FSTL4: variants seen among roughly 807,000 people sequenced by gnomAD.
FSTL4 encodes the protein follistatin like 4.
A neutral mutation model predicts 78.2 loss-of-function variants in FSTL4; 28 were observed. The observed-to-expected ratio is 0.36, with a 90% CI of 0.27 to 0.49. FSTL4 has a LOEUF of 0.49. Ranked by LOEUF, FSTL4 falls within the 20% of genes least tolerant of loss-of-function variation. FSTL4 has a pLI of 0.98. For missense variants in FSTL4, 922 were observed against 1,084.9 expected (o/e 0.85, Z 2.11); for synonymous variants, 422 against 440.5 (o/e 0.96, Z 0.53).
At position 133,356,360 on chromosome 5, in the gene FSTL4, G is replaced by T. The variant is rs997344264; in HGVS notation, c.410-39708C>A. 2.0e-5 allele frequency among the ~76,000 whole-genome samples: 3 copies of T among 152,146 alleles called. No individual in the cohort carries two copies. The East Asian group carries it at 5.8e-4, about 29-fold the overall frequency. The stretch of plus-strand genomic sequence containing the variant: ...CTGATCTCTACCTGGATATGCCACT[G>T]AACCTGGATTTAGAGATGAAGTCTG... On this transcript the variant is annotated intron_variant, in intron 4 of 15. Coordinates refer to ENST00000265342, the MANE Select transcript of FSTL4 (RefSeq NM_015082.2).
At chr5:133,806,504 G>C in the FSTL4 span, among the ~76,000 whole-genome samples, 1 of 152,166 alleles carries the variant, frequency 6.6e-6, no homozygotes, top group Non-Finnish European at 1.5e-5. Flanking sequence ...AGTATATTTT[G>C]TCCTGATTAT....
chr5:133,428,055 G>C (rs1204860440), intron 3 of FSTL4, among the ~76,000 whole-genome samples: 2 of 152,174 alleles, frequency 1.3e-5, no homozygotes, highest in Non-Finnish European at 2.9e-5. Flanking sequence ...AGTAATGTGT[G>C]AATAACAATA....
At chr5:133,569,577 G>A (rs1263999426) in intron 2 of FSTL4, among the ~76,000 whole-genome samples, 1 of 152,160 alleles carries the variant, frequency 6.6e-6, no homozygotes, top group Admixed American at 6.5e-5. Flanking sequence ...CATCAGTGCT[G>A]TAGCAGAACA....
chr5:133,705,291 C>T, the FSTL4 span, among the ~76,000 whole-genome samples: 1 of 152,160 alleles, frequency 6.6e-6, no homozygotes, highest in Admixed American at 6.5e-5. Context: ...GAACTCCTGA[C>T]CTGGTGATCC....
intron 8 of FSTL4, among the ~76,000 whole-genome samples, chr5:133,226,664 A>G (rs1751344892): frequency 6.6e-6 from 1 of 152,268 alleles, no homozygotes; most frequent in East Asian, 1.9e-4. Context: ...AGATGTAAAC[A>G]TACCTGCATA....
intron 4 of FSTL4, among the ~76,000 whole-genome samples, chr5:133,336,016 G>C (rs1754455340): frequency 1.3e-5 from 2 of 152,224 alleles, no homozygotes; most frequent in Admixed American, 1.3e-4. Flanking sequence ...GCAACCCATA[G>C]CTTACCCTGC....
At chr5:133,769,774 C>A in the FSTL4 span, among the ~76,000 whole-genome samples, 1 of 152,096 alleles carries the variant, frequency 6.6e-6, no homozygotes, top group African/African-American at 2.4e-5. Context: ...ATAGTGGTGA[C>A]ACCTGGTCTT....
chr5:133,801,056 G>A, the FSTL4 span, among the ~76,000 whole-genome samples: 6 of 152,178 alleles, frequency 3.9e-5, no homozygotes, highest in East Asian at 1.9e-4. Context: ...ATGATTTATC[G>A]CAGGCAGGTT....
the FSTL4 span, among the ~76,000 whole-genome samples, chr5:133,707,626 A>T: frequency 6.6e-6 from 1 of 152,140 alleles, no homozygotes. Flanking sequence ...TCCTTTTCTC[A>T]GCCTCAAGGA....
At position 133,405,812 on chromosome 5, in the gene FSTL4, C is replaced by G. The variant is rs529762597; in HGVS notation, c.161-4826G>C. 2.0e-5 allele frequency among the ~76,000 whole-genome samples: 3 copies of G among 152,300 alleles called. No individual in the cohort carries two copies. In the East Asian group the frequency reaches 5.8e-4, roughly 29 times the overall value. ...TTTGTGTGAGAACCAGGCAGAGGCC[C>G]GACGCTCCAGTCCCGTGCCATGTCT... On this transcript the variant is annotated intron_variant, in intron 3 of 15. Coordinates refer to ENST00000265342, the MANE Select transcript of FSTL4 (RefSeq NM_015082.2).
At chr5:133,290,707 C>A (rs987817689) in intron 6 of FSTL4, among the ~76,000 whole-genome samples, 2 of 152,212 alleles carry the variant, frequency 1.3e-5, no homozygotes, top group African/African-American at 4.8e-5. Context: ...CCCCTGGAGC[C>A]CTCTTGGATG....
At chr5:133,518,917 C>T (rs1307697468) in intron 3 of FSTL4, among the ~76,000 whole-genome samples, 5 of 152,158 alleles carry the variant, frequency 3.3e-5, no homozygotes, top group Non-Finnish European at 7.3e-5. Context: ...TCCCTGACCC[C>T]CCATGGAATG....
At chr5:133,653,901 A>G in the FSTL4 span, among the ~76,000 whole-genome samples, 1 of 152,226 alleles carries the variant, frequency 6.6e-6, no homozygotes, top group African/African-American at 2.4e-5. Context: ...AGTGGTCTGC[A>G]CTGACAGGAC....
At chr5:133,831,893 G>C in the FSTL4 span, among the ~76,000 whole-genome samples, 1 of 152,196 alleles carries the variant, frequency 6.6e-6, no homozygotes, top group Non-Finnish European at 1.5e-5. Flanking sequence ...GGGTCCCTGT[G>C]TCCAAGGGTC....
chr5:133,557,893 C>T (rs1303720588), intron 3 of FSTL4, among the ~76,000 whole-genome samples: 3 of 152,188 alleles, frequency 2.0e-5, no homozygotes, highest in Non-Finnish European at 2.9e-5. Context: ...GTACAGTGTG[C>T]CCTTAAAAGT....
rs546844228 is a variant in FSTL4 at position 133,428,148 on chromosome 5, A to G, written c.161-27162T>C. 3.9e-5 allele frequency among the ~76,000 whole-genome samples: 6 copies of G among 152,360 alleles called. No homozygotes were observed. The East Asian group carries it at 1.2e-3, about 29-fold the overall frequency. The stretch of plus-strand genomic sequence containing the variant: ...TTAAATTTATCCCTGTAATAATATC[A>G]TTGCCATACACTTACACGATGAAAA... On this transcript the variant is annotated intron_variant, in intron 3 of 15. Transcript: ENST00000265342.
rs560007028 is a variant in FSTL4, at chr5:133,538,108, C to T, written c.160+29078G>A. Among the ~76,000 whole-genome samples, 7 of 135,910 alleles carry T rather than the reference C, an allele frequency of 5.2e-5. No individual in the cohort carries two copies. In the South Asian group the frequency reaches 1.7e-3, roughly 32 times the overall value. The allele number at this position is 135,910 out of a possible 152,430, so 89.2% of individuals were successfully genotyped here. On this transcript the variant is annotated intron_variant, in intron 3 of 15. Coordinates refer to ENST00000265342, the MANE Select transcript of FSTL4 (RefSeq NM_015082.2). ...TTTTTGTCAATTATCCCAATAATGT[C>T]TTTATATCTATTTTTTTTTTCCTAG...
chr5:133,681,335 T>C, the FSTL4 span, among the ~76,000 whole-genome samples: 3 of 152,178 alleles, frequency 2.0e-5, no homozygotes, highest in East Asian at 5.8e-4. Flanking sequence ...CACACGGGCA[T>C]ATGCGCTCCT....
At chr5:133,775,418 C>A in the FSTL4 span, among the ~76,000 whole-genome samples, 2 of 152,182 alleles carry the variant, frequency 1.3e-5, no homozygotes, top group Non-Finnish European at 2.9e-5. Context: ...GCTAGAGATG[C>A]TGTAAACACA....
Sources: allele counts gnomAD v4.1 joint callset (sites outside exome capture counted in the v4.1 genomes callset), GRCh38; gene constraint gnomAD v4.1.1; transcripts MANE v1.5; gene names NCBI Gene and HGNC (gene_info 2026-07-23, HGNC 2026-07-21).